The following POLR1C variants were observed in gnomAD, a reference collection of about 807,000 sequenced individuals.
The protein encoded by POLR1C is RNA polymerase I and III subunit C, also known as DNA-directed RNA polymerases I and III subunit RPAC1.
Under a neutral mutation model 38.3 loss-of-function variants are expected in POLR1C, and 42 were observed. The ratio of observed to expected loss-of-function variants is 1.10; its 90% CI spans 0.86 to 1.42. The LOEUF is 1.42. Ranked by LOEUF, POLR1C falls within the 40% of genes most tolerant of loss-of-function variation. The probability of loss-of-function intolerance (pLI) is 0.00; values close to 1 mark genes in which losing one functional copy is unlikely to be tolerated. For synonymous variants in POLR1C, 163 were observed against 163.9 expected (o/e 0.99, Z 0.04); for missense variants, 507 against 450.5 (o/e 1.13, Z -1.14).
At chr6:43,549,852 C>T in intron 9 of POLR1C, 1 of 1,570,990 alleles carries the variant, frequency 6.4e-7, no homozygotes. Context: ...TACATTTGTA[C>T]TCAAGAAGTT....
At chr6:43,548,344 A>C in intron 9 of POLR1C, 2 of 1,613,726 alleles carry the variant, frequency 1.2e-6, no homozygotes, top group African/African-American at 2.7e-5. Flanking sequence ...CGTAGTTCTT[A>C]AATTGGTTGC....
rs543445931 is a variant in POLR1C, at chr6:43,545,113, T to C, written c.*5-5855T>C. Among the ~76,000 whole-genome samples, 323 of 152,126 alleles carry C rather than the reference T, an allele frequency of 2.1e-3. 1 individual carries two copies. Among genetic ancestry groups the C allele is most frequent in the Admixed American group, 3.1e-3 (47 of 15,286 alleles). ...GTCTGAAACTCCTGACCTCAAGTGA[T>C]TGACCCACCTTGGCCTCCCAAAGTG... On this transcript the variant is annotated intron_variant, in intron 9 of 10. Transcript: ENST00000607635.
intron 9 of POLR1C, among the ~76,000 whole-genome samples, chr6:43,543,551 T>C (rs1294138925): frequency 6.6e-6 from 1 of 152,208 alleles, no homozygotes; most frequent in African/African-American, 2.4e-5. Context: ...TTAGGTAAAG[T>C]TGCTTCTTGA....
At chr6:43,525,576 C>A, downstream of POLR1C, 1 of 527,920 alleles carries the variant, frequency 1.9e-6, no homozygotes. Context: ...AAGCTCAGGC[C>A]TGGCTTGGGG....
downstream of POLR1C, chr6:43,524,617 T>C (rs1439918440): frequency 1.9e-6 from 3 of 1,613,988 alleles, no homozygotes; most frequent in South Asian, 1.1e-5. Context: ...ACAGCTCTTA[T>C]CTCCAGGTAC....
chr6:43,551,859 G>T (rs1003978350), intron 10 of POLR1C, among the ~76,000 whole-genome samples: 2 of 151,922 alleles, frequency 1.3e-5, no homozygotes, highest in Non-Finnish European at 2.9e-5. Context: ...TAGAGATGAG[G>T]TCTCACTATA....
intron 9 of POLR1C, among the ~76,000 whole-genome samples, chr6:43,538,468 A>T (rs1048297714): frequency 6.6e-6 from 1 of 152,122 alleles, no homozygotes; most frequent in Non-Finnish European, 1.5e-5. Flanking sequence ...TGACTAAGAG[A>T]TATCTTAAAT....
At chr6:43,550,577 A>G (rs1795180798) in intron 9 of POLR1C, among the ~76,000 whole-genome samples, 1 of 152,230 alleles carries the variant, frequency 6.6e-6, no homozygotes, top group African/African-American at 2.4e-5. Context: ...TAATCACTTC[A>G]GTAAGACTTC....
intron 9 of POLR1C, among the ~76,000 whole-genome samples, chr6:43,536,983 A>C (rs1393884044): frequency 6.6e-6 from 1 of 151,864 alleles, no homozygotes; most frequent in African/African-American, 2.4e-5. Context: ...TTGTTTTTTA[A>C]AGAGACAGGG....
intron 9 of POLR1C, chr6:43,547,431 G>C: frequency 1.4e-6 from 1 of 696,614 alleles, no homozygotes; most frequent in Non-Finnish European, 2.6e-6. Context: ...CTCTGCTGTG[G>C]GAACTAACTC....
intron 9 of POLR1C, among the ~76,000 whole-genome samples, chr6:43,534,631 C>T (rs563715315): frequency 4.6e-5 from 7 of 152,304 alleles, no homozygotes; most frequent in South Asian, 2.1e-4. Context: ...GATGGCTACA[C>T]GTTTAAGATG....
At chr6:43,551,439 A>G in intron 10 of POLR1C, 5 of 1,612,432 alleles carry the variant, frequency 3.1e-6, no homozygotes, top group Non-Finnish European at 3.4e-6. Flanking sequence ...CTATTCCATC[A>G]TTAACAGGAA....
chr6:43,532,110 A>G (rs1794027924), downstream of POLR1C, among the ~76,000 whole-genome samples: 5 of 152,226 alleles, frequency 3.3e-5, no homozygotes, highest in Non-Finnish European at 5.9e-5. Flanking sequence ...TTTCTATAGC[A>G]GGAGTTCCTG....
intron 10 of POLR1C, among the ~76,000 whole-genome samples, chr6:43,557,102 T>C (rs545708629): frequency 4.9e-5 from 6 of 122,114 alleles, no homozygotes; most frequent in Non-Finnish European, 6.5e-5. Context: ...CACTCCAGCC[T>C]GGGCGACAGA....
Position 43,519,765 on chromosome 6 carries a change from T to C in POLR1C, c.309T>C (p.Asp103=), listed in dbSNP as rs1412994174. 6.3e-7 allele frequency: 1 copy of C among 1,599,038 alleles called. No individual in the cohort carries two copies. The highest frequency in any genetic ancestry group is 8.6e-7 in the Non-Finnish European group (1 of 1,166,410). The change falls in exon 4 of 9, where the codon GAT becomes GAC. Residue 103 remains aspartate, a synonymous_variant. Transcript: ENST00000642195. ...LVYNNTSIVQ[D]EILAHRLGLI... is the part of the protein sequence containing the mutation. ...ACAATAATACATCCATTGTTCAGGA[T>C]GAGATTCTTGCTCACCGTCTGGGGC...
At chr6:43,540,172 C>A (rs951964761) in intron 9 of POLR1C, among the ~76,000 whole-genome samples, 4 of 152,080 alleles carry the variant, frequency 2.6e-5, no homozygotes, top group Non-Finnish European at 1.5e-5. Flanking sequence ...GGGGGATCAC[C>A]TGAGGTCAGG....
rs1337133014 is a variant in POLR1C, at chr6:43,517,191, G to T, written c.69+13G>T. On this transcript the variant is annotated intron_variant, in intron 1 of 8. Transcript: ENST00000642195. The stretch of plus-strand genomic sequence containing the variant: ...TGGGGTTCGCAATGTAAGCCTTGTG[G>T]CCTTGAGCTCGGGCGGGAGGAATGA... 1 of 1,613,860 alleles carries T rather than the reference G, an allele frequency of 6.2e-7. No homozygotes were observed. The highest frequency in any genetic ancestry group is 8.5e-7 in the Non-Finnish European group (1 of 1,179,782).
downstream of POLR1C, chr6:43,525,753 CTT>C (rs1295623830): frequency 5.0e-6 from 7 of 1,408,336 alleles, no homozygotes; most frequent in African/African-American, 1.0e-4. Context: ...ACAAAAAACT[CTT>C]GATAGCACCA....
Position 43,538,855 on chromosome 6 carries a change from C to A in POLR1C, c.*4+9496C>A, listed in dbSNP as rs112426863. ...TAGCCACAGCTGGAGCCTGGGTCTGCTGCACAGAGACTCTGGTGTGGGTCT... is the reference window on the plus strand; with the variant it reads ...TAGCCACAGCTGGAGCCTGGGTCTGATGCACAGAGACTCTGGTGTGGGTCT... On this transcript the variant is annotated intron_variant, in intron 9 of 10. Coordinates refer to the POLR1C transcript ENST00000607635. 3 of 1,263,908 alleles carry A rather than the reference C, an allele frequency of 2.4e-6. No homozygotes were observed. In the East Asian group the frequency reaches 7.0e-5, roughly 29 times the overall value. 78.3% of individuals were successfully genotyped at this position (1,263,908 alleles called of 1,614,324 possible).
Sources: gnomAD v4.1 joint callset for allele counts (sites outside exome capture counted in the v4.1 genomes callset) on GRCh38, gnomAD v4.1.1 for gene constraint, MANE v1.5 for transcripts, NCBI Gene and HGNC (gene_info 2026-07-23, HGNC 2026-07-21) for gene names.